Variants in CAST observed in about 807,000 individuals in gnomAD.
The protein encoded by CAST is calpastatin, also known as MIR583 host.
CAST carries 76 observed loss-of-function variants against 119.6 expected under a neutral mutation model. The ratio of observed to expected loss-of-function variants is 0.64; its 90% CI spans 0.53 to 0.77. The LOEUF is 0.77. Ranked by LOEUF, CAST falls within the 30% of genes least tolerant of loss-of-function variation. The pLI, the probability that CAST is intolerant of heterozygous loss-of-function variation, is 0.00. For synonymous variants in CAST, 319 were observed against 331.6 expected, an observed-to-expected ratio of 0.96 and a Z score of 0.41; for missense variants, 953 against 946.5, an observed-to-expected ratio of 1.01 and a Z score of -0.09.
intron 2 of CAST, chr5:96,679,582 T>G: frequency 6.6e-6 from 1 of 152,110 alleles, no homozygotes. Context: ...ACGGGCATGA[T>G]CTCAGAGAGC....
chr5:96,214,747 AG>A, the CAST span: 1 of 152,182 alleles, frequency 6.6e-6, no homozygotes, highest in Non-Finnish European at 1.5e-5. Context: ...AGAACAAAGC[AG>A]GGTTATGTTT....
the CAST span, among the ~76,000 whole-genome samples, chr5:96,467,491 G>T: frequency 6.6e-6 from 1 of 151,834 alleles, no homozygotes; most frequent in Non-Finnish European, 1.5e-5. Context: ...TAATCCTCTT[G>T]GAGTTCCTTC....
At chr5:96,146,386 G>A in the CAST span, among the ~76,000 whole-genome samples, 1 of 152,216 alleles carries the variant, frequency 6.6e-6, no homozygotes, top group African/African-American at 2.4e-5. Context: ...GAATTACCAG[G>A]AAGATGTGTT....
chr5:95,963,908 G>C, the CAST span, among the ~76,000 whole-genome samples: 1 of 152,032 alleles, frequency 6.6e-6, no homozygotes, highest in Non-Finnish European at 1.5e-5. Flanking sequence ...CTCTTACTCA[G>C]AATTTCTGAT....
intron 3 of CAST, among the ~76,000 whole-genome samples, chr5:96,707,097 A>G (rs1755139833): frequency 6.6e-6 from 1 of 152,180 alleles, no homozygotes; most frequent in South Asian, 2.1e-4. Flanking sequence ...CTAATGATTC[A>G]TTTTCTCAAT....
At chr5:96,681,688 C>G (rs536119603) in intron 2 of CAST, among the ~76,000 whole-genome samples, 31 of 147,850 alleles carry the variant, frequency 2.1e-4, no homozygotes, top group African/African-American at 6.2e-4. Context: ...AGCCGAGATC[C>G]CGCCACTGCA....
the CAST span, among the ~76,000 whole-genome samples, chr5:96,351,763 T>C: frequency 8.5e-5 from 13 of 152,176 alleles, no homozygotes; most frequent in Admixed American, 3.3e-4. Flanking sequence ...CTCACTGTTC[T>C]TTTATGTTTA....
chr5:96,278,827 T>C, the CAST span: 1 of 152,190 alleles, frequency 6.6e-6, no homozygotes, highest in African/African-American at 2.4e-5. Context: ...GCCACACACA[T>C]GCAGTTACAT....
At chr5:96,125,071 A>G in the CAST span, among the ~76,000 whole-genome samples, 5 of 152,208 alleles carry the variant, frequency 3.3e-5, no homozygotes, top group African/African-American at 1.2e-4. Flanking sequence ...TTAACCCACA[A>G]GAACAGTTTA....
the CAST span, among the ~76,000 whole-genome samples, chr5:96,236,337 G>T: frequency 6.6e-6 from 1 of 152,160 alleles, no homozygotes; most frequent in Non-Finnish European, 1.5e-5. Flanking sequence ...CTTTGGCCTG[G>T]CTGTTTGTAC....
intron 1 of CAST, among the ~76,000 whole-genome samples, chr5:96,669,316 C>G (rs554079818): frequency 1.3e-4 from 20 of 152,176 alleles, no homozygotes; most frequent in Non-Finnish European, 2.8e-4. Context: ...TGCACATTGT[C>G]TCTTAATTTT....
At chr5:96,415,982 T>A in the CAST span, 1 of 1,112,398 alleles carries the variant, frequency 9.0e-7, no homozygotes, top group Non-Finnish European at 1.4e-6. Context: ...CAATGGGTGA[T>A]GTAAGCTTCA....
the CAST span, among the ~76,000 whole-genome samples, chr5:96,477,780 G>C: frequency 2.6e-5 from 4 of 152,234 alleles, no homozygotes; most frequent in East Asian, 7.7e-4. Context: ...TTATAATCAA[G>C]GGTTCTAAAA....
the CAST span, among the ~76,000 whole-genome samples, chr5:96,500,928 A>G: frequency 3.3e-5 from 5 of 152,242 alleles, no homozygotes; most frequent in African/African-American, 1.2e-4. Flanking sequence ...AGGAATGAAG[A>G]TGAATCCAAT....
the CAST span, among the ~76,000 whole-genome samples, chr5:96,424,988 A>G: frequency 7.2e-6 from 1 of 139,330 alleles, no homozygotes; most frequent in Non-Finnish European, 1.5e-5. Flanking sequence ...ATAGAAAGAA[A>G]GAAAGAAAGA....
the CAST span, among the ~76,000 whole-genome samples, chr5:96,511,875 G>A: frequency 6.6e-6 from 1 of 152,176 alleles, no homozygotes; most frequent in African/African-American, 2.4e-5. Context: ...GCAGAGAAAC[G>A]AAGTCCTTCA....
chr5:96,364,150 T>G, the CAST span, among the ~76,000 whole-genome samples: 2 of 152,236 alleles, frequency 1.3e-5, no homozygotes, highest in African/African-American at 4.8e-5. Context: ...GATTTTCGTA[T>G]GTTGAAGCAG....
At chr5:96,227,999 CTCTCTGTGTG>C in the CAST span, among the ~76,000 whole-genome samples, 2 of 134,344 alleles carry the variant, frequency 1.5e-5, no homozygotes, top group African/African-American at 5.7e-5. Flanking sequence ...CCCTCTTTCT[CTCTCTGTGTG>C]TGTGTGTGTG....
intron 2 of CAST, among the ~76,000 whole-genome samples, chr5:96,689,248 C>T (rs926331108): frequency 5.9e-5 from 9 of 152,280 alleles, no homozygotes; most frequent in African/African-American, 2.2e-4. Flanking sequence ...ACTATCCCCA[C>T]CCTTGTAGGG....
Sources: allele counts gnomAD v4.1 joint callset (sites outside exome capture counted in the v4.1 genomes callset), GRCh38; gene constraint gnomAD v4.1.1; transcripts MANE v1.5; gene names NCBI Gene and HGNC (gene_info 2026-07-23, HGNC 2026-07-21).